The following UBR3 variants were observed in gnomAD, a reference collection of about 807,000 sequenced individuals.
UBR3 encodes E3 ubiquitin-protein ligase UBR3.
In UBR3, 85 loss-of-function variants were observed where a neutral mutation model predicts 243.2. The observed-to-expected ratio is 0.35, with a 90% CI of 0.29 to 0.42. The LOEUF (loss-of-function observed/expected upper bound fraction) is 0.42. Ranked by LOEUF, UBR3 falls within the 10% of genes least tolerant of loss-of-function variation. The pLI is 1.00. For synonymous variants in UBR3, 748 were observed against 799.8 expected (o/e 0.94, Z 1.09); for missense variants, 1,686 against 2,300.8 (o/e 0.73, Z 5.47).
intron 10 of UBR3, among the ~76,000 whole-genome samples, chr2:169,912,958 A>G (rs953905759): frequency 1.6e-4 from 24 of 151,916 alleles, no homozygotes; most frequent in Non-Finnish European, 2.6e-4. Context: ...CTAATTTTAA[A>G]ATTTTTTCGC....
intron 24 of UBR3, among the ~76,000 whole-genome samples, chr2:169,966,185 A>G (rs1352658323): frequency 6.6e-6 from 1 of 151,788 alleles, no homozygotes; most frequent in Admixed American, 6.6e-5. Context: ...ACCTTTTTTA[A>G]TTTTTACTAG....
chr2:169,891,613 G>GACAC (rs3082964), intron 6 of UBR3, among the ~76,000 whole-genome samples: 38,926 of 148,718 alleles, frequency 0.26, 5,288 homozygotes, highest in East Asian at 0.53. Context: ...GAGAGACAGA[G>GACAC]ACACACACAC....
intron 5 of UBR3, among the ~76,000 whole-genome samples, chr2:169,882,340 A>ATATATATGTAAATATATAT (rs61714016): frequency 7.3e-6 from 1 of 136,102 alleles, no homozygotes; most frequent in African/African-American, 2.7e-5. Context: ...GTATTATATA[A>ATATATATGTAAATATATAT]TATATATGTA....
At position 169,895,310 on chromosome 2, in the gene UBR3, A is replaced by C. The variant is rs2084537750; in HGVS notation, c.1235A>C (p.Lys412Thr). ...AACATGCTTCCAGATCAAGAGTATA[A>C]GGTATCTATATATTTTCCTGCTTTT... ...LLNMLPDQEY[K>T]VAFTKTFVQH... The change falls in exon 7 of 39, where the codon AAG becomes ACG. Residue 412 changes from lysine to threonine, a missense_variant and splice_region_variant. Lys to Thr is a moderately conservative substitution (Grantham distance 78, BLOSUM62 -1). Transcript: ENST00000272793. The C allele has an allele frequency of 6.5e-7, 1 of 1,534,650 alleles. No individual in the cohort carries two copies. Among genetic ancestry groups the C allele is most frequent in the Non-Finnish European group, 8.7e-7 (1 of 1,143,038 alleles).
intron 24 of UBR3, among the ~76,000 whole-genome samples, chr2:169,963,168 T>C (rs2087658462): frequency 6.6e-6 from 1 of 152,182 alleles, no homozygotes; most frequent in Admixed American, 6.5e-5. Context: ...ATGCTCTGTT[T>C]AGTCAGAGTT....
At chr2:169,847,696 A>G (rs1174175488) in intron 1 of UBR3, among the ~76,000 whole-genome samples, 1 of 152,102 alleles carries the variant, frequency 6.6e-6, no homozygotes, top group Non-Finnish European at 1.5e-5. Context: ...ATTATTCTCC[A>G]CTACTGAGGA....
chr2:169,977,012 A>ATT (rs58404500), intron 24 of UBR3, among the ~76,000 whole-genome samples: 1 of 151,122 alleles, frequency 6.6e-6, no homozygotes, highest in African/African-American at 2.4e-5. Flanking sequence ...TTTCTGTGGT[A>ATT]TTTTTTTGTT....
intron 31 of UBR3, among the ~76,000 whole-genome samples, chr2:170,038,781 A>G (rs1480915729): frequency 1.3e-5 from 2 of 152,166 alleles, no homozygotes; most frequent in African/African-American, 2.4e-5. Flanking sequence ...AAGCCACATC[A>G]GAACTTAGAT....
intron 33 of UBR3, among the ~76,000 whole-genome samples, chr2:170,057,929 A>G (rs1436983780): frequency 6.6e-6 from 1 of 152,188 alleles, no homozygotes; most frequent in Non-Finnish European, 1.5e-5. Flanking sequence ...AAACATTTAG[A>G]TACATAGCAG....
rs377464359 is a variant in UBR3, at chr2:169,886,111, C to T, written c.1039-5054C>T. ...GGTGGAGGTTGAAGTGAGCCGAGAT[C>T]GCGCCACTGCACCCCAGCCTGCGCG... On this transcript the variant is annotated intron_variant, in intron 5 of 38. Transcript: ENST00000272793. Among the ~76,000 whole-genome samples, 14 of 149,676 alleles carry T rather than the reference C, an allele frequency of 9.4e-5. No individual in the cohort carries two copies. The South Asian group carries it at 1.3e-3, about 14-fold the overall frequency.
chr2:170,002,952 C>T (rs2089768275), intron 27 of UBR3, among the ~76,000 whole-genome samples: 1 of 152,138 alleles, frequency 6.6e-6, no homozygotes, highest in Non-Finnish European at 1.5e-5. Context: ...CTCCTGAGTT[C>T]AAGCAGCACA....
chr2:169,890,579 A>ATATATATATATG (rs373265395), intron 5 of UBR3, among the ~76,000 whole-genome samples: 3 of 61,288 alleles, frequency 4.9e-5, no homozygotes, highest in African/African-American at 2.2e-4. Flanking sequence ...ATATATATAT[A>ATATATATATATG]TGTATATATA....
At chr2:169,936,298 A>G (rs1466881650) in intron 19 of UBR3, among the ~76,000 whole-genome samples, 4 of 152,106 alleles carry the variant, frequency 2.6e-5, no homozygotes, top group Non-Finnish European at 5.9e-5. Context: ...ACCTCAGGTG[A>G]TCCGCCCACC....
At chr2:169,956,412 C>G (rs1298557025) in intron 23 of UBR3, among the ~76,000 whole-genome samples, 2 of 151,868 alleles carry the variant, frequency 1.3e-5, no homozygotes, top group Non-Finnish European at 2.9e-5. Context: ...AGTCCTGACA[C>G]TCTGTGCTAG....
intron 11 of UBR3, 51 bp downstream of exon 11, chr2:169,914,197 TAAGAA>T (rs1574188664): frequency 1.0e-6 from 1 of 994,600 alleles, no homozygotes; most frequent in East Asian, 3.1e-5. Context: ...TAAAGACATT[TAAGAA>T]AAGTGTTAGA....
chr2:169,871,753 A>AAAAAAAAAAAAAAAAAAAAAAAAT (rs2083446647), intron 1 of UBR3, among the ~76,000 whole-genome samples: 1 of 151,662 alleles, frequency 6.6e-6, no homozygotes. Context: ...CAAAAAAAAA[A>AAAAAAAAAAAAAAAAAAAAAAAAT]AAAGAATATA....
At chr2:169,970,243 T>G (rs1208940247) in intron 24 of UBR3, among the ~76,000 whole-genome samples, 26 of 150,146 alleles carry the variant, frequency 1.7e-4, no homozygotes, top group African/African-American at 5.6e-4. Context: ...AGGTTTTTTT[T>G]TTTTTTTTTT....
intron 19 of UBR3, among the ~76,000 whole-genome samples, chr2:169,934,624 C>T (rs10173744): frequency 0.74 from 112,601 of 152,068 alleles, 43,018 homozygotes; most frequent in East Asian, 0.88. Context: ...GGGATCTTTT[C>T]TTATTTGTAA....
At chr2:169,844,535 C>A (rs1193789408) in intron 1 of UBR3, among the ~76,000 whole-genome samples, 1 of 148,006 alleles carries the variant, frequency 6.8e-6, no homozygotes, top group Admixed American at 6.8e-5. Flanking sequence ...ACTCTGTCAC[C>A]CAGGATGGAG....
Sources: gnomAD v4.1 joint callset for allele counts (sites outside exome capture counted in the v4.1 genomes callset) on GRCh38, gnomAD v4.1.1 for gene constraint, MANE v1.5 for transcripts, NCBI Gene and HGNC (gene_info 2026-07-23, HGNC 2026-07-21) for gene names.